The following JAM3 variants were observed in gnomAD, a reference collection of about 807,000 sequenced individuals.
JAM3 encodes the protein junctional adhesion molecule C.
A neutral mutation model predicts 39.4 loss-of-function variants in JAM3; 31 were observed. That is an observed-to-expected ratio of 0.79 (90% CI 0.59 to 1.06). The LOEUF is 1.06. JAM3 is among the 50% of genes least tolerant of loss of function. The probability of loss-of-function intolerance (pLI) is 0.00; values close to 1 mark genes in which losing one functional copy is unlikely to be tolerated. For synonymous variants in JAM3, 182 were observed against 148.7 expected (o/e 1.22, Z -1.63); for missense variants, 455 against 391.4 (o/e 1.16, Z -1.37).
At chr11:134,130,969 A>G (rs1026225112) in intron 1 of JAM3, among the ~76,000 whole-genome samples, 1 of 152,188 alleles carries the variant, frequency 6.6e-6, no homozygotes, top group African/African-American at 2.4e-5. Flanking sequence ...CTGGACATGT[A>G]CAATAGGCCC....
chr11:134,119,396 A>G (rs1432999489), intron 1 of JAM3, among the ~76,000 whole-genome samples: 1 of 152,248 alleles, frequency 6.6e-6, no homozygotes, highest in African/African-American at 2.4e-5. Context: ...AGAGCTTTTC[A>G]TATAATGTCT....
At chr11:134,142,167 G>C (rs1942986688) in intron 3 of JAM3, among the ~76,000 whole-genome samples, 1 of 152,140 alleles carries the variant, frequency 6.6e-6, no homozygotes, top group Non-Finnish European at 1.5e-5. Flanking sequence ...TCCTTTTCTG[G>C]GGATTAAACA....
intron 1 of JAM3, among the ~76,000 whole-genome samples, chr11:134,073,607 A>G (rs1478136802): frequency 1.3e-5 from 2 of 152,196 alleles, no homozygotes; most frequent in Non-Finnish European, 2.9e-5. Context: ...ATGACGTGTC[A>G]GGCACTGTTC....
At chr11:134,123,915 A>C (rs1942587390) in intron 1 of JAM3, 1 of 1,162,884 alleles carries the variant, frequency 8.6e-7, no homozygotes, top group African/African-American at 1.5e-5. Flanking sequence ...TTTGGAATTG[A>C]AGGCCCCCCT....
At position 134,139,890 on chromosome 11, in the gene JAM3, G is replaced by T. The variant is rs768171224; in HGVS notation, c.116G>T (p.Arg39Leu). ...GCTGTAAATCTCAAATCCAGCAATCGAACCCCAGTGGTACAGGAATTTGAA... is the reference window on the plus strand; with the variant it reads ...GCTGTAAATCTCAAATCCAGCAATCTAACCCCAGTGGTACAGGAATTTGAA... ...IGAVNLKSSN[R>L]TPVVQEFESV... The change falls in exon 2 of 9, where the codon CGA (arginine) becomes CTA (leucine). Residue 39 changes from arginine (R) to leucine (L), a missense_variant. Transcript: ENST00000299106. The T allele has an allele frequency of 6.2e-7, 1 of 1,613,738 alleles. No homozygotes were observed. Among genetic ancestry groups the T allele is most frequent in the African/African-American group, 1.3e-5 (1 of 74,896 alleles).
intron 1 of JAM3, among the ~76,000 whole-genome samples, chr11:134,116,951 C>A (rs986506698): frequency 6.6e-6 from 1 of 151,962 alleles, no homozygotes. Flanking sequence ...TTACCTACAA[C>A]GTATTTATAG....
chr11:134,143,508 A>G (rs548570060), intron 3 of JAM3, among the ~76,000 whole-genome samples: 2 of 152,306 alleles, frequency 1.3e-5, no homozygotes, highest in South Asian at 4.1e-4. Flanking sequence ...AGCTGAGACT[A>G]TATGTGTGCA....
chr11:134,095,553 C>A (rs1456394065), intron 1 of JAM3, among the ~76,000 whole-genome samples: 2 of 151,804 alleles, frequency 1.3e-5, no homozygotes, highest in Non-Finnish European at 2.9e-5. Flanking sequence ...ATCACTTGAA[C>A]CTGGGAGTCG....
At chr11:134,106,130 G>T (rs1408231294) in intron 1 of JAM3, among the ~76,000 whole-genome samples, 1 of 152,148 alleles carries the variant, frequency 6.6e-6, no homozygotes, top group Non-Finnish European at 1.5e-5. Flanking sequence ...AAAACAGCAT[G>T]GTACTGGTAC....
rs201350335 is a variant in JAM3, at chr11:134,140,682, G to A, written c.168G>A (p.Thr56=). Residue 56 remains threonine, a synonymous_variant, in exon 3 of 9, where the codon ACG becomes ACA. Coordinates refer to ENST00000299106, the MANE Select transcript of JAM3 (RefSeq NM_032801.5). ...FESVELSCII[T]DSQTSDPRIE... is the part of the protein sequence containing the mutation. ...GTGTGGAACTGTCTTGCATCATTAC[G>A]GATTCGCAGACAAGTGACCCCAGGA... is the stretch of plus-strand genomic sequence containing the variant. 33 of 1,613,272 alleles carry A rather than the reference G, an allele frequency of 2.0e-5. No homozygotes were observed. In the East Asian group the frequency reaches 2.7e-4, roughly 13 times the overall value.
intron 1 of JAM3, among the ~76,000 whole-genome samples, chr11:134,087,913 A>G (rs1811344686): frequency 6.6e-6 from 1 of 152,176 alleles, no homozygotes; most frequent in Admixed American, 6.5e-5. Context: ...TGTCTTGTGC[A>G]TTGTAGGATG....
intron 1 of JAM3, among the ~76,000 whole-genome samples, chr11:134,132,432 C>T (rs1220940714): frequency 6.6e-6 from 1 of 151,784 alleles, no homozygotes; most frequent in Non-Finnish European, 1.5e-5. Context: ...AAAGGGAGAC[C>T]CGCAGGTTGA....
At chr11:134,094,414 A>G (rs567029987) in intron 1 of JAM3, among the ~76,000 whole-genome samples, 2 of 134,402 alleles carry the variant, frequency 1.5e-5, no homozygotes, top group Non-Finnish European at 3.2e-5. Context: ...TCCACCTTAA[A>G]TGTGACTTCC....
intron 3 of JAM3, 127 bp downstream of exon 3, chr11:134,140,897 TTA>T: frequency 4.9e-6 from 6 of 1,236,236 alleles, no homozygotes; most frequent in Non-Finnish European, 5.4e-6. Flanking sequence ...TTTTTTTTTT[TTA>T]AAGATTTATA....
chr11:134,149,861 G>C lies in JAM3; in HGVS notation c.*680G>C, dbSNP rs975628214. 3.2e-6 allele frequency: 1 copy of C among 314,828 alleles called. No homozygotes were observed. Among genetic ancestry groups the C allele is most frequent in the Non-Finnish European group, 6.3e-6 (1 of 159,658 alleles). The allele number at this position is 314,828 out of a possible 1,614,324, so 19.5% of individuals were successfully genotyped here. ...GGATTTAAGGAAAACCTTCGTCTTAGGCTAAGTCTGAAATGGTACTGAAAT... is the reference window on the plus strand; with the variant it reads ...GGATTTAAGGAAAACCTTCGTCTTACGCTAAGTCTGAAATGGTACTGAAAT... On this transcript the variant is annotated 3_prime_UTR_variant, in exon 9 of 9. Transcript: ENST00000299106.
At chr11:134,146,359 G>A (rs766650771) in intron 6 of JAM3, among the ~76,000 whole-genome samples, 25 of 152,044 alleles carry the variant, frequency 1.6e-4, no homozygotes, top group Non-Finnish European at 3.1e-4. Context: ...ATGTAAGGTG[G>A]TGTCAGGTCT....
intron 4 of JAM3, 68 bp from the exon 5 acceptor site, chr11:134,144,724 C>A: frequency 7.1e-7 from 1 of 1,398,874 alleles, no homozygotes. Context: ...GAGCTGATTT[C>A]TTCTGGGCTT....
intron 1 of JAM3, among the ~76,000 whole-genome samples, chr11:134,139,249 C>T (rs1343698491): frequency 6.6e-6 from 1 of 152,198 alleles, no homozygotes; most frequent in Non-Finnish European, 1.5e-5. Context: ...GATATAAACT[C>T]AGCTTCGTGA....
intron 1 of JAM3, among the ~76,000 whole-genome samples, chr11:134,092,752 CCTTATTCATCATGTTCCACCTTACAT>C: frequency 1.5e-5 from 2 of 137,452 alleles, no homozygotes; most frequent in Non-Finnish European, 3.1e-5. Context: ...CCTGAACCCT[CCTTATTCATCATGTTCCACCTTACAT>C]CTTATTCATC....
Sources: allele counts gnomAD v4.1 joint callset (sites outside exome capture counted in the v4.1 genomes callset), GRCh38; gene constraint gnomAD v4.1.1; transcripts MANE v1.5; gene names NCBI Gene and HGNC (gene_info 2026-07-23, HGNC 2026-07-21).